ANKRD23: variants seen among roughly 807,000 people sequenced by gnomAD.
ANKRD23 encodes the protein ankyrin repeat domain 23, also known as ankyrin repeat domain-containing protein 23.
ANKRD23 carries 52 observed loss-of-function variants against 38.1 expected under a neutral mutation model. That is an observed-to-expected ratio of 1.36 (90% CI 1.09 to 1.72). The LOEUF (loss-of-function observed/expected upper bound fraction) is 1.72. Among genes scored for constraint, ANKRD23 ranks in the 40% most tolerant of loss-of-function variants. The pLI is 0.00. For missense variants in ANKRD23, 416 were observed against 400.2 expected, an observed-to-expected ratio of 1.04 and a Z score of -0.34; for synonymous variants, 167 against 162.9, an observed-to-expected ratio of 1.03 and a Z score of -0.19.
rs199745623 is a variant in ANKRD23, at chr2:96,843,951, G to T, written c.27+15C>A. The T allele has an allele frequency of 6.2e-7, 1 of 1,604,952 alleles. No individual in the cohort carries two copies. Among genetic ancestry groups the T allele is most frequent in the South Asian group, 1.1e-5 (1 of 89,424 alleles). ...CGGTCCCAGGGTGCCTCCCACCTCC[G>T]TCCCACATCCTTACCAACTGCTGAA... On this transcript the variant is annotated intron_variant, in intron 1 of 8. Transcript: ENST00000318357.
chr2:96,839,182 G>T lies in ANKRD23; in HGVS notation c.*367C>A. On this transcript the variant is annotated 3_prime_UTR_variant, in exon 9 of 9. Transcript: ENST00000318357. ...CCCTAACCTGGGACAAGTGGACACTGAGGACTCCCAGACCCAGCCCTGGGT... is the reference window on the plus strand; with the variant it reads ...CCCTAACCTGGGACAAGTGGACACTTAGGACTCCCAGACCCAGCCCTGGGT... 9.7e-7 allele frequency: 1 copy of T among 1,035,992 alleles called. No homozygotes were observed. Among genetic ancestry groups the T allele is most frequent in the East Asian group, 7.9e-5 (1 of 12,644 alleles). The allele number at this position is 1,035,992 out of a possible 1,614,324, so 64.2% of individuals were successfully genotyped here.
At chr2:96,843,624 C>A (rs1162330307) in intron 1 of ANKRD23, among the ~76,000 whole-genome samples, 2 of 152,164 alleles carry the variant, frequency 1.3e-5, no homozygotes, top group African/African-American at 2.4e-5. Flanking sequence ...TTCGACTTCC[C>A]TCTCTTGCTC....
chr2:96,840,041 C>G lies in ANKRD23; in HGVS notation c.679G>C (p.Glu227Gln), dbSNP rs1361777484. 6 of 1,562,618 alleles carry G rather than the reference C, an allele frequency of 3.8e-6. No homozygotes were observed. The highest frequency in any genetic ancestry group is 5.2e-6 in the Non-Finnish European group (6 of 1,152,834). The change falls in exon 7 of 9, where the codon GAG becomes CAG. Residue 227 changes from glutamate (E) to glutamine (Q), a missense_variant. Coordinates refer to ENST00000318357, the MANE Select transcript of ANKRD23 (RefSeq NM_144994.8). ...AVRTRHPDCL[E>Q]HLIECGAHLN... is the part of the protein sequence containing the mutation. ...TGGGCGCCACACTCGATGAGGTGCTCCAGGCAGTCGGGGTGCCGGGTGCGC... is the reference window on the plus strand; with the variant it reads ...TGGGCGCCACACTCGATGAGGTGCTGCAGGCAGTCGGGGTGCCGGGTGCGC...
chr2:96,839,869 CCCT>C (rs928982719), intron 7 of ANKRD23, 44 bp from the exon 8 acceptor site: 11 of 1,580,646 alleles, frequency 7.0e-6, no homozygotes, highest in African/African-American at 1.3e-5. Flanking sequence ...CCGCGTGCTG[CCCT>C]CCTCATGCAG....
chr2:96,842,054 A>G lies in ANKRD23; in HGVS notation c.300+6T>C. The stretch of plus-strand genomic sequence containing the variant: ...TGCACTGCCCTAACCCCGACCTCCC[A>G]CTCACCTTAACCAGGGGCTCAGGTT... On this transcript the variant is annotated splice_donor_region_variant and intron_variant, in intron 3 of 8. Coordinates refer to ENST00000318357, the MANE Select transcript of ANKRD23 (RefSeq NM_144994.8). 1 of 1,613,342 alleles carries G rather than the reference A, an allele frequency of 6.2e-7. No individual in the cohort carries two copies. The highest frequency in any genetic ancestry group is 8.5e-7 in the Non-Finnish European group (1 of 1,179,912).
chr2:96,840,221 G>A lies in ANKRD23; in HGVS notation c.624+11C>T, dbSNP rs760660425. Reference sequence around the variant, plus strand: ...GTTCCCGACAGGCCCCCAAAGCACCGTGCCCCTCACCTTGTCCCGGGCATT... The same window carrying A: ...GTTCCCGACAGGCCCCCAAAGCACCATGCCCCTCACCTTGTCCCGGGCATT... On this transcript the variant is annotated intron_variant, in intron 6 of 8. Coordinates refer to ENST00000318357, the MANE Select transcript of ANKRD23 (RefSeq NM_144994.8). 43 of 1,607,130 alleles carry A rather than the reference G, an allele frequency of 2.7e-5. No individual in the cohort carries two copies. Among genetic ancestry groups the A allele is most frequent in the East Asian group, 4.5e-5 (2 of 44,736 alleles).
chr2:96,838,757 C>T lies in ANKRD23; in HGVS notation c.*792G>A, dbSNP rs1047766229. 49 of 985,620 alleles carry T rather than the reference C, an allele frequency of 5.0e-5. No individual in the cohort carries two copies. The Admixed American group carries it at 1.3e-3, about 27-fold the overall frequency. The allele number at this position is 985,620 out of a possible 1,614,324, so 61.1% of individuals were successfully genotyped here. A position where few individuals can be genotyped will look rare whatever the true frequency, so the allele number is the denominator to read the frequency against. ...GCCAGCAGGCAACGGTGTGCCAGGC[C>T]GGCCTGAGCGGGGCCAGTACACAGT... On this transcript the variant is annotated 3_prime_UTR_variant, in exon 9 of 9. Coordinates refer to ENST00000318357, the MANE Select transcript of ANKRD23 (RefSeq NM_144994.8).
intron 4 of ANKRD23, 84 bp downstream of exon 4, chr2:96,840,703 C>T (rs942902876): frequency 6.3e-7 from 1 of 1,585,348 alleles, no homozygotes; most frequent in African/African-American, 1.3e-5. Flanking sequence ...TCCCTGCAGC[C>T]TCCTAGGCCA....
chr2:96,838,184 A>G lies in ANKRD23; in HGVS notation c.*1365T>C. ...TGTTCTGGGCCTGAGAAGGCCCCCAAAGGTAGACGAAAAGGAACCATGGCC... is the reference window on the plus strand; with the variant it reads ...TGTTCTGGGCCTGAGAAGGCCCCCAGAGGTAGACGAAAAGGAACCATGGCC... On this transcript the variant is annotated 3_prime_UTR_variant, in exon 9 of 9. Transcript: ENST00000318357. 1 of 266,738 alleles carries G rather than the reference A, an allele frequency of 3.7e-6. No homozygotes were observed. Among genetic ancestry groups the G allele is most frequent in the Non-Finnish European group, 5.8e-6 (1 of 172,138 alleles). The allele number at this position is 266,738 out of a possible 1,614,324, so 16.5% of individuals were successfully genotyped here. A position where few individuals can be genotyped will look rare whatever the true frequency, so the allele number is the denominator to read the frequency against.
rs758717121 is a variant in ANKRD23 at position 96,843,997 on chromosome 2, C to T, written c.-5G>A. 6.2e-7 allele frequency: 1 copy of T among 1,600,822 alleles called. No homozygotes were observed. The highest frequency in any genetic ancestry group is 1.1e-5 in the South Asian group (1 of 88,766). Reference sequence around the variant, plus strand: ...CTGAATGCTGATGAAGTCCATGGTCCCCCCTGTTCCTCACACCCCCCAGTG... The same window carrying T: ...CTGAATGCTGATGAAGTCCATGGTCTCCCCTGTTCCTCACACCCCCCAGTG... On this transcript the variant is annotated 5_prime_UTR_variant, in exon 1 of 9. Coordinates refer to ENST00000318357, the MANE Select transcript of ANKRD23 (RefSeq NM_144994.8).
intron 1 of ANKRD23, among the ~76,000 whole-genome samples, chr2:96,842,807 T>C (rs2079776565): frequency 6.6e-6 from 1 of 152,148 alleles, no homozygotes; most frequent in South Asian, 2.1e-4. Flanking sequence ...CCACAACCTA[T>C]TTATACTGCT....
In ANKRD23 at chr2:96,839,298, T is replaced by G; in HGVS notation, c.*251A>C. ...CCTCATCTGGACCCGCGCTTTCTGC[T>G]GCCTTGTGGTCCTCTGCTCCAGCCC... On this transcript the variant is annotated 3_prime_UTR_variant, in exon 9 of 9. Transcript: ENST00000318357. 8.2e-7 allele frequency: 1 copy of G among 1,223,232 alleles called. No individual in the cohort carries two copies. Among genetic ancestry groups the G allele is most frequent in the Non-Finnish European group, 1.0e-6 (1 of 982,730 alleles). 75.8% of individuals were successfully genotyped at this position (1,223,232 alleles called of 1,614,324 possible). A position where few individuals can be genotyped will look rare whatever the true frequency, so the allele number is the denominator to read the frequency against.
In ANKRD23 at chr2:96,842,484, CT is replaced by C; in HGVS notation, c.54del (p.Val19CysfsTer31). On this transcript the variant is annotated frameshift_variant, in exon 2 of 9. Coordinates refer to ENST00000318357, the MANE Select transcript of ANKRD23 (RefSeq NM_144994.8). LOFTEE classifies it high-confidence loss of function. ...QLVSGERVEG[K>X]VLGFGHGVPD... ...GGAACTCCATGTCCAAATCCCAACA[CT>C]TTCCCTTCAACTCTTTCTCCACTTA... 1 of 1,614,120 alleles carries C rather than the reference CT, an allele frequency of 6.2e-7. No homozygotes were observed. The highest frequency in any genetic ancestry group is 8.5e-7 in the Non-Finnish European group (1 of 1,180,006).
rs115625004 is a variant in ANKRD23, at chr2:96,838,069, C to G, written c.*1480G>C. ...GCACCAGCGTCTGGGTGCACGCTGGCTGTCGCCACAGGGCAGGAGCTGCTC... is the reference window on the plus strand; with the variant it reads ...GCACCAGCGTCTGGGTGCACGCTGGGTGTCGCCACAGGGCAGGAGCTGCTC... On this transcript the variant is annotated 3_prime_UTR_variant, in exon 9 of 9. Coordinates refer to ENST00000318357, the MANE Select transcript of ANKRD23 (RefSeq NM_144994.8). 0.031 allele frequency: 4,731 copies of G among 153,076 alleles called. 254 individuals are homozygous for G. The highest frequency in any genetic ancestry group is 0.11 in the African/African-American group (4,541 of 41,578). 9.5% of individuals were successfully genotyped at this position (153,076 alleles called of 1,614,324 possible).
In ANKRD23 at chr2:96,839,459, G is replaced by A. The variant is rs2079731498; in HGVS notation, c.*90C>T. The stretch of plus-strand genomic sequence containing the variant: ...CCAGAGAGGGAGGAACCAGGGCTGA[G>A]GGCAGGAACCACAGAGGTGCAGACG... On this transcript the variant is annotated 3_prime_UTR_variant, in exon 9 of 9. Coordinates refer to ENST00000318357, the MANE Select transcript of ANKRD23 (RefSeq NM_144994.8). 1 of 1,377,358 alleles carries A rather than the reference G, an allele frequency of 7.3e-7. No homozygotes were observed. The highest frequency in any genetic ancestry group is 3.3e-5 in the Admixed American group (1 of 30,578). The allele number at this position is 1,377,358 out of a possible 1,614,324, so 85.3% of individuals were successfully genotyped here. A position where few individuals can be genotyped will look rare whatever the true frequency, so the allele number is the denominator to read the frequency against.
chr2:96,842,568 CAG>C (rs1398930916), intron 1 of ANKRD23, 57 bp from the exon 2 acceptor site: 4 of 1,566,648 alleles, frequency 2.6e-6, no homozygotes, highest in East Asian at 2.2e-5. Flanking sequence ...CCTTAGAAAA[CAG>C]AGCTGTGGAG....
Position 96,838,478 on chromosome 2 carries a change from T to TC in ANKRD23, c.*1070_*1071insG. On this transcript the variant is annotated 3_prime_UTR_variant, in exon 9 of 9. Transcript: ENST00000318357. ...GGAGCAGGGAAGGGATGGGAAGGGC[T>TC]GGGGGGCGGCGGGGGCTCACCTTCC... is the stretch of plus-strand genomic sequence containing the variant. The TC allele has an allele frequency of 1.0e-6, 1 of 986,344 alleles. No homozygotes were observed. Among genetic ancestry groups the TC allele is most frequent in the East Asian group, 1.1e-4 (1 of 8,792 alleles). The allele number at this position is 986,344 out of a possible 1,614,324, so 61.1% of individuals were successfully genotyped here. A position where few individuals can be genotyped will look rare whatever the true frequency, so the allele number is the denominator to read the frequency against.
In ANKRD23 at chr2:96,842,380, T is replaced by C; in HGVS notation, c.159A>G (p.Glu53=). The C allele has an allele frequency of 6.3e-7, 1 of 1,577,160 alleles. No individual in the cohort carries two copies. Among genetic ancestry groups the C allele is most frequent in the South Asian group, 1.1e-5 (1 of 90,490 alleles). The part of the protein sequence containing the change: ...AVAREKLKLE[E]EKKKKLERFN... ...CCTCTCTCACTTTCTTCTTCTTCTC[T>C]TCTTCCAATTTCAGCTTCTCCCGGG... Residue 53 remains glutamate, a synonymous_variant, in exon 2 of 9, where the codon GAA becomes GAG. Transcript: ENST00000318357.
chr2:96,839,953 C>T (rs753477055), intron 7 of ANKRD23, 44 bp downstream of exon 7: 8 of 1,550,964 alleles, frequency 5.2e-6, no homozygotes, highest in Non-Finnish European at 7.0e-6. Context: ...GTCCCTGCTC[C>T]TCTGGAGCTG....
Sources: allele counts gnomAD v4.1 joint callset (sites outside exome capture counted in the v4.1 genomes callset), GRCh38; gene constraint gnomAD v4.1.1; transcripts MANE v1.5; gene names NCBI Gene and HGNC (gene_info 2026-07-23, HGNC 2026-07-21).